The following ERC1 variants were observed in gnomAD, a reference collection of about 807,000 sequenced individuals.
The protein encoded by ERC1 is ELKS/RAB6-interacting/CAST family member 1, also known as RAB6 interacting protein 2.
Under a neutral mutation model 132.0 loss-of-function variants are expected in ERC1, and 56 were observed. The ratio of observed to expected loss-of-function variants is 0.42; its 90% confidence interval spans 0.34 to 0.53. The LOEUF is 0.53. ERC1 is among the 20% of genes least tolerant of loss of function. The probability of loss-of-function intolerance (pLI) is 0.03; values close to 1 mark genes in which losing one functional copy is unlikely to be tolerated. For missense variants in ERC1, 1,202 were observed against 1,349.9 expected (o/e 0.89, Z 1.72); for synonymous variants, 478 against 476.1 (o/e 1.00, Z -0.05).
At chr12:992,013 C>T (rs1282760202) in intron 1 of ERC1, among the ~76,000 whole-genome samples, 2 of 151,880 alleles carry the variant, frequency 1.3e-5, no homozygotes, top group Non-Finnish European at 2.9e-5. Context: ...AAGAGAATCC[C>T]CTTACTTTGG....
At chr12:1,369,972 A>T (rs1286970678) in intron 15 of ERC1, among the ~76,000 whole-genome samples, 1 of 152,340 alleles carries the variant, frequency 6.6e-6, no homozygotes, top group African/African-American at 2.4e-5. Flanking sequence ...CAGTAGACAG[A>T]TAGTCTTCCA....
chr12:1,249,816 A>G (rs535373222), intron 13 of ERC1, among the ~76,000 whole-genome samples: 239 of 152,338 alleles, frequency 1.6e-3, no homozygotes, highest in African/African-American at 5.4e-3. Flanking sequence ...TGTCTGGTAC[A>G]GGTCCACTTT....
chr12:1,104,865 T>C (rs1199007694), intron 4 of ERC1, 41 bp downstream of exon 4: 1 of 1,363,712 alleles, frequency 7.3e-7, no homozygotes, highest in South Asian at 1.2e-5. Flanking sequence ...AATTACCTTA[T>C]ACTTTTAAGT....
chr12:1,309,714 CTT>C (rs201086756), intron 15 of ERC1, among the ~76,000 whole-genome samples: 45,524 of 134,926 alleles, frequency 0.34, 7,632 homozygotes, highest in Middle Eastern at 0.43. Context: ...TGCACTCTGA[CTT>C]TTTTTTTTTT....
chr12:1,353,737 A>T (rs963803459), intron 15 of ERC1, among the ~76,000 whole-genome samples: 12 of 152,148 alleles, frequency 7.9e-5, no homozygotes, highest in Admixed American at 3.9e-4. Context: ...TGTGATCTTG[A>T]AAGACTGATT....
chr12:1,150,544 T>C (rs765183211), intron 8 of ERC1, among the ~76,000 whole-genome samples: 7 of 152,232 alleles, frequency 4.6e-5, no homozygotes, highest in Non-Finnish European at 8.8e-5. Flanking sequence ...GGCTTTTTAT[T>C]TGATGAGTCA....
intron 17 of ERC1, among the ~76,000 whole-genome samples, chr12:1,426,565 A>G (rs887501844): frequency 6.6e-6 from 1 of 152,242 alleles, no homozygotes; most frequent in Non-Finnish European, 1.5e-5. Flanking sequence ...AATAACTTGC[A>G]GAAATTCCCA....
intron 7 of ERC1, among the ~76,000 whole-genome samples, chr12:1,117,655 C>T (rs915777656): frequency 1.3e-5 from 2 of 152,176 alleles, no homozygotes; most frequent in African/African-American, 4.8e-5. Context: ...GTGCTTAACT[C>T]ATAAGTTTGT....
intron 2 of ERC1, among the ~76,000 whole-genome samples, chr12:1,049,782 C>T (rs913491756): frequency 7.4e-6 from 1 of 135,720 alleles, no homozygotes; most frequent in Non-Finnish European, 1.5e-5. Context: ...GATGGAGTCT[C>T]ACTCTTGTTG....
chr12:1,124,905 T>C (rs1388906064), intron 7 of ERC1, among the ~76,000 whole-genome samples: 9 of 152,042 alleles, frequency 5.9e-5, no homozygotes, highest in Admixed American at 2.6e-4. Flanking sequence ...ACAGTCGTTA[T>C]AGAAATTGAA....
chr12:1,358,102 G>C (rs1482375912), intron 15 of ERC1, among the ~76,000 whole-genome samples: 1 of 151,802 alleles, frequency 6.6e-6, no homozygotes, highest in Non-Finnish European at 1.5e-5. Context: ...TGTAGTCCCA[G>C]CTTCTTGGGA....
intron 8 of ERC1, among the ~76,000 whole-genome samples, chr12:1,146,613 T>C (rs1593698975): frequency 1.2e-5 from 1 of 80,748 alleles, no homozygotes; most frequent in East Asian, 2.8e-4. Context: ...TCCAGTACTG[T>C]TTTTTTTTTT....
chr12:1,470,290 C>T (rs1391253299), intron 18 of ERC1, among the ~76,000 whole-genome samples: 5 of 152,044 alleles, frequency 3.3e-5, no homozygotes, highest in Non-Finnish European at 7.4e-5. Context: ...GGGAAACTTC[C>T]TTCTCTCTTC....
chr12:1,146,730 C>T (rs1049566587), intron 8 of ERC1, among the ~76,000 whole-genome samples: 1 of 151,398 alleles, frequency 6.6e-6, no homozygotes, highest in Non-Finnish European at 1.5e-5. Context: ...CCCATTAACT[C>T]GTCATTTAGC....
intron 7 of ERC1, among the ~76,000 whole-genome samples, chr12:1,134,037 G>A (rs1324851700): frequency 6.6e-6 from 1 of 152,070 alleles, no homozygotes; most frequent in Admixed American, 6.6e-5. Context: ...TACCTTGTTG[G>A]GTGCTAGGCA....
intron 18 of ERC1, among the ~76,000 whole-genome samples, chr12:1,480,106 TTAAATA>T (rs2094057594): frequency 1.3e-5 from 2 of 151,846 alleles, no homozygotes; most frequent in Non-Finnish European, 2.9e-5. Flanking sequence ...TTTTTTTTTT[TTAAATA>T]AAATCTTGCA....
chr12:1,338,993 AGT>A (rs1305468764), intron 15 of ERC1, among the ~76,000 whole-genome samples: 1 of 152,230 alleles, frequency 6.6e-6, no homozygotes, highest in Non-Finnish European at 1.5e-5. Flanking sequence ...AGTGCTTCAT[AGT>A]GTGGCGGCAG....
At chr12:1,301,318 C>T (rs2080381300) in intron 15 of ERC1, among the ~76,000 whole-genome samples, 1 of 152,128 alleles carries the variant, frequency 6.6e-6, no homozygotes, top group Non-Finnish European at 1.5e-5. Context: ...AACAAAAAAA[C>T]ACTTAAACCC....
chr12:1,177,652 A>C lies in ERC1; in HGVS notation c.1738-2888A>C, dbSNP rs186199526. On this transcript the variant is annotated intron_variant, in intron 8 of 18. Transcript: ENST00000360905. ...CCAGATAAATTACAATAGTATCATC[A>C]GAGATCACTGATCACGGATCACTGT... Among the ~76,000 whole-genome samples the C allele has an allele frequency of 7.2e-5, 11 of 152,342 alleles. 1 individual carries two copies. The East Asian group carries it at 1.5e-3, about 21-fold the overall frequency.
Sources: allele counts gnomAD v4.1 joint callset (sites outside exome capture counted in the v4.1 genomes callset), GRCh38; gene constraint gnomAD v4.1.1; transcripts MANE v1.5; gene names NCBI Gene and HGNC (gene_info 2026-07-23, HGNC 2026-07-21).